ARHGAP17: variants seen among roughly 807,000 people sequenced by gnomAD.
The protein encoded by ARHGAP17 is Rho GTPase activating protein 17.
In ARHGAP17, 57 loss-of-function variants were observed where a neutral mutation model predicts 99.5. That is an observed-to-expected ratio of 0.57 (90% CI 0.46 to 0.71). The LOEUF (loss-of-function observed/expected upper bound fraction) is 0.71, where lower values mean the gene tolerates loss of function less well. ARHGAP17 is among the 30% of genes least tolerant of loss of function. ARHGAP17 has a pLI of 0.00. For missense variants in ARHGAP17, 1,000 were observed against 1,122.4 expected (o/e 0.89, Z 1.56); for synonymous variants, 417 against 429.6 (o/e 0.97, Z 0.36).
rs1160272700 is a variant in ARHGAP17 at position 24,939,544 on chromosome 16, T to C, written c.1544A>G (p.Asn515Ser). 6.2e-7 allele frequency: 1 copy of C among 1,608,130 alleles called. No homozygotes were observed. The highest frequency in any genetic ancestry group is 8.5e-7 in the Non-Finnish European group (1 of 1,178,126). Reference sequence around the variant, plus strand: ...GAAAGCGGGGGATATGTGCTTTCTATTTAGAGTGCCACCCCGCCGGTGGGC... The same window carrying C: ...GAAAGCGGGGGATATGTGCTTTCTACTTAGAGTGCCACCCCGCCGGTGGGC... ...FQAHRRGGTL[N>S]RKHISPAFQP... The change falls in exon 17 of 20, where the codon AAT becomes AGT. Residue 515 changes from asparagine to serine, a missense_variant. Around this residue, in one of 2 missense-constraint regions of ARHGAP17, gnomAD observed 528 missense variants for 511.4 expected, o/e 1.03. Transcript: ENST00000289968.
intron 1 of ARHGAP17, among the ~76,000 whole-genome samples, chr16:24,995,286 C>T (rs763133393): frequency 2.6e-5 from 4 of 152,156 alleles, no homozygotes; most frequent in Non-Finnish European, 5.9e-5. Context: ...CAGAGAAGCA[C>T]ATTAAATTGT....
intron 9 of ARHGAP17, 80 bp from the exon 10 acceptor site, chr16:24,954,810 G>C: frequency 6.4e-7 from 1 of 1,565,730 alleles, no homozygotes; most frequent in Admixed American, 1.8e-5. Flanking sequence ...CTACCCAATG[G>C]GCTTTTCTAG....
In ARHGAP17 at chr16:24,930,852, G is replaced by A. The variant is rs759487791; in HGVS notation, c.2447C>T (p.Pro816Leu). The A allele has an allele frequency of 4.3e-6, 7 of 1,614,080 alleles. No individual in the cohort carries two copies. Among genetic ancestry groups the A allele is most frequent in the Non-Finnish European group, 5.9e-6 (7 of 1,179,982 alleles). ...GCTGTCCCCAGCTGAGTGGACACCA[G>A]GAGGTTGGGGGGGTGGGGGCACGCT... The part of the protein sequence containing the change: ...RPSVPPPPQP[P>L]GVHSAGDSSL... The change falls in exon 19 of 20, where the codon CCT (proline) becomes CTT (leucine). Residue 816 changes from proline (P) to leucine (L), a missense_variant. Pro to Leu is a moderately conservative substitution (Grantham distance 98). Coordinates refer to ENST00000289968, the MANE Select transcript of ARHGAP17 (RefSeq NM_001006634.3).
intron 1 of ARHGAP17, among the ~76,000 whole-genome samples, chr16:25,007,972 T>C (rs930393216): frequency 1.3e-5 from 2 of 152,174 alleles, no homozygotes; most frequent in African/African-American, 4.8e-5. Flanking sequence ...CCACATTCCC[T>C]ACTGTCCTAT....
chr16:24,922,204 C>T lies in ARHGAP17; in HGVS notation c.2516-1944G>A, dbSNP rs571193647. On this transcript the variant is annotated intron_variant, in intron 19 of 19. Transcript: ENST00000289968. ...CCAAAAACAGAAGGGGCTACCAGCC[C>T]GTGTCTCTTCTCAGCCCAGAGTTTA... Among the ~76,000 whole-genome samples the T allele has an allele frequency of 1.1e-4, 16 of 152,356 alleles. No homozygotes were observed. In the South Asian group the frequency reaches 1.9e-3, roughly 18 times the overall value.
intron 18 of ARHGAP17, among the ~76,000 whole-genome samples, chr16:24,934,621 T>C (rs1055301808): frequency 2.0e-5 from 3 of 151,956 alleles, no homozygotes; most frequent in Admixed American, 6.6e-5. Flanking sequence ...ACCCAGATAA[T>C]TTTTAAAATT....
chr16:24,922,761 C>T (rs1019681254), intron 19 of ARHGAP17, among the ~76,000 whole-genome samples: 2 of 152,062 alleles, frequency 1.3e-5, no homozygotes, highest in Non-Finnish European at 2.9e-5. Context: ...CTGCAGCCTC[C>T]ACCTCCTGGG....
intron 16 of ARHGAP17, chr16:24,941,693 G>C (rs1426457616): frequency 2.8e-6 from 1 of 355,494 alleles, no homozygotes; most frequent in African/African-American, 2.1e-5. Context: ...ACGTACATCT[G>C]GGTCACTTTT....
At chr16:24,952,900 A>T (rs2051686153) in intron 11 of ARHGAP17, 31 bp downstream of exon 11, 2 of 1,600,988 alleles carry the variant, frequency 1.2e-6, no homozygotes, top group African/African-American at 2.7e-5. Flanking sequence ...CTTGAGGGTG[A>T]CTTGATTTGC....
chr16:24,980,558 G>A lies in ARHGAP17; in HGVS notation c.54-1553C>T, dbSNP rs113488975. ...TGCTACCCTAGACCTTGCTTGGCAA[G>A]CAAGGTGCCAGGCATTGCTGAAGAG... is the stretch of plus-strand genomic sequence containing the variant. On this transcript the variant is annotated intron_variant, in intron 1 of 19. Coordinates refer to ENST00000289968, the MANE Select transcript of ARHGAP17 (RefSeq NM_001006634.3). Among the ~76,000 whole-genome samples the A allele has an allele frequency of 3.7e-3, 559 of 152,266 alleles. 8 individuals are homozygous for A. Among genetic ancestry groups the A allele is most frequent in the African/African-American group, 0.013 (538 of 41,540 alleles).
Position 24,931,408 on chromosome 16 carries a change from C to G in ARHGAP17, c.1895-4G>C. 6.7e-7 allele frequency: 1 copy of G among 1,500,012 alleles called. No homozygotes were observed. 92.9% of individuals were successfully genotyped at this position (1,500,012 alleles called of 1,614,324 possible). ...GCTGGAGCGGGTTTTTTAACAGCTG[C>G]ACAAAAAGAGAAAAAACACCTTTCA... On this transcript the variant is annotated splice_region_variant and splice_polypyrimidine_tract_variant and intron_variant, in intron 18 of 19. Coordinates refer to ENST00000289968, the MANE Select transcript of ARHGAP17 (RefSeq NM_001006634.3).
At chr16:24,985,369 G>A (rs1455167681) in intron 1 of ARHGAP17, among the ~76,000 whole-genome samples, 1 of 152,184 alleles carries the variant, frequency 6.6e-6, no homozygotes, top group East Asian at 1.9e-4. Context: ...CCTGGACTAC[G>A]ATCAAGGTGG....
At chr16:25,008,752 A>G (rs2053570060) in intron 1 of ARHGAP17, among the ~76,000 whole-genome samples, 1 of 152,258 alleles carries the variant, frequency 6.6e-6, no homozygotes, top group African/African-American at 2.4e-5. Context: ...ACATATAAAA[A>G]TGATGCTAAA....
At chr16:25,004,945 C>T (rs1712059058) in intron 1 of ARHGAP17, among the ~76,000 whole-genome samples, 1 of 152,200 alleles carries the variant, frequency 6.6e-6, no homozygotes, top group South Asian at 2.1e-4. Context: ...GATGGAGTCT[C>T]ACTCTGTTGC....
intron 1 of ARHGAP17, among the ~76,000 whole-genome samples, chr16:24,984,668 A>C (rs2052803580): frequency 6.6e-6 from 1 of 152,146 alleles, no homozygotes; most frequent in Non-Finnish European, 1.5e-5. Context: ...TCTCAAAAAA[A>C]AAAAAGAAAT....
intron 1 of ARHGAP17, among the ~76,000 whole-genome samples, chr16:24,991,386 T>C (rs9926667): frequency 0.37 from 56,719 of 152,088 alleles, 10,863 homozygotes; most frequent in East Asian, 0.52. Flanking sequence ...TTCAGATAAA[T>C]CCCAAGTCTT....
chr16:24,932,633 T>C (rs1313146328), intron 18 of ARHGAP17, among the ~76,000 whole-genome samples: 2 of 152,140 alleles, frequency 1.3e-5, no homozygotes, highest in East Asian at 1.9e-4. Flanking sequence ...AGATATGTCC[T>C]GGACAAAAGC....
chr16:24,930,073 T>C (rs549851739), intron 19 of ARHGAP17, among the ~76,000 whole-genome samples: 1 of 152,142 alleles, frequency 6.6e-6, no homozygotes, highest in Non-Finnish European at 1.5e-5. Flanking sequence ...ATTCTTGAAA[T>C]GTTAAATAAA....
intron 5 of ARHGAP17, 65 bp from the exon 6 acceptor site, chr16:24,968,492 T>C: frequency 6.3e-7 from 1 of 1,588,230 alleles, no homozygotes; most frequent in Non-Finnish European, 8.6e-7. Flanking sequence ...TTTTAAAGTA[T>C]TTACAAACGT....
Sources: allele counts gnomAD v4.1 joint callset (sites outside exome capture counted in the v4.1 genomes callset), GRCh38; gene constraint gnomAD v4.1.1; regional missense constraint gnomAD v4.1.1; transcripts MANE v1.5; gene names NCBI Gene and HGNC (gene_info 2026-07-23, HGNC 2026-07-21).